Variants in SEC24A observed in about 807,000 individuals in gnomAD.
SEC24A encodes SEC24 homolog A, COPII component.
In SEC24A, 93 loss-of-function variants were observed where a neutral mutation model predicts 129.4. That is an observed-to-expected ratio of 0.72 (90% CI 0.61 to 0.85). The LOEUF (loss-of-function observed/expected upper bound fraction) is 0.85, where lower values mean the gene tolerates loss of function less well. SEC24A is among the 40% of genes least tolerant of loss of function. The probability of loss-of-function intolerance (pLI) is 0.00; values close to 1 mark genes in which losing one functional copy is unlikely to be tolerated. For missense variants in SEC24A, 1,264 were observed against 1,307.4 expected, an observed-to-expected ratio of 0.97 and a Z score of 0.51; for synonymous variants, 460 against 467.3, an observed-to-expected ratio of 0.98 and a Z score of 0.20.
intron 1 of SEC24A, 95 bp downstream of exon 1, chr5:134,649,268 C>T (rs1749967713): frequency 1.1e-6 from 1 of 904,740 alleles, no homozygotes; most frequent in African/African-American, 1.7e-5. Flanking sequence ...GAGAGAGTGA[C>T]CTCCTTACCG....
At chr5:134,656,905 G>A (rs1343283174) in intron 1 of SEC24A, among the ~76,000 whole-genome samples, 1 of 151,308 alleles carries the variant, frequency 6.6e-6, no homozygotes, top group Non-Finnish European at 1.5e-5. Flanking sequence ...CCTTGATCAA[G>A]TGGGTGGAGT....
At chr5:134,648,577 C>G (rs1301850466), upstream of SEC24A, 1 of 152,676 alleles carries the variant, frequency 6.5e-6, no homozygotes. Context: ...CGGTGACACA[C>G]GGCACTTCCG....
chr5:134,712,713 G>C (rs551623712), intron 18 of SEC24A, among the ~76,000 whole-genome samples: 34 of 151,836 alleles, frequency 2.2e-4, no homozygotes, highest in Non-Finnish European at 4.1e-4. Context: ...CCGCCTCCGG[G>C]GTTCAAGTGA....
At chr5:134,716,534 C>T (rs1019045931) in intron 19 of SEC24A, among the ~76,000 whole-genome samples, 71 of 150,076 alleles carry the variant, frequency 4.7e-4, no homozygotes, top group African/African-American at 1.5e-3. Context: ...CGCAGTGGCT[C>T]ATGCCTGTAA....
chr5:134,696,389 T>C (rs1461390395), intron 13 of SEC24A, among the ~76,000 whole-genome samples: 2 of 151,930 alleles, frequency 1.3e-5, no homozygotes, highest in African/African-American at 4.8e-5. Flanking sequence ...ACTGAACATT[T>C]AATATATTTT....
At chr5:134,719,682 T>C (rs1026382839) in intron 20 of SEC24A, among the ~76,000 whole-genome samples, 5 of 145,316 alleles carry the variant, frequency 3.4e-5, no homozygotes, top group African/African-American at 1.3e-4. Context: ...AACAAGGCCC[T>C]GTCTCAAAAA....
chr5:134,671,186 C>T (rs1282688834), intron 3 of SEC24A, among the ~76,000 whole-genome samples: 1 of 151,882 alleles, frequency 6.6e-6, no homozygotes, highest in Non-Finnish European at 1.5e-5. Flanking sequence ...TGATTACAGG[C>T]ATGTGCTGAT....
chr5:134,682,820 G>A (rs765283794), intron 9 of SEC24A, among the ~76,000 whole-genome samples: 3 of 152,114 alleles, frequency 2.0e-5, no homozygotes, highest in Non-Finnish European at 4.4e-5. Flanking sequence ...GCCCACCTTG[G>A]CCTCCCAAAG....
chr5:134,695,449 C>T (rs1561822106), intron 13 of SEC24A, among the ~76,000 whole-genome samples: 1 of 151,256 alleles, frequency 6.6e-6, no homozygotes, highest in East Asian at 2.0e-4. Context: ...GTCAGGAGTT[C>T]GAGACCAGCC....
At chr5:134,663,039 T>G (rs1366160409) in intron 2 of SEC24A, among the ~76,000 whole-genome samples, 3 of 152,104 alleles carry the variant, frequency 2.0e-5, no homozygotes, top group Admixed American at 6.6e-5. Context: ...ATCTATATTA[T>G]TTTCCAGGCT....
At chr5:134,704,027 A>T (rs1280378375) in intron 16 of SEC24A, 95 bp downstream of exon 16, 1 of 659,766 alleles carries the variant, frequency 1.5e-6, no homozygotes, top group Non-Finnish European at 2.5e-6. Flanking sequence ...AGCATATCTT[A>T]TGTGTGCTAA....
Position 134,675,141 on chromosome 5 carries a change from A to T in SEC24A, c.1075A>T (p.Met359Leu). 1.2e-6 allele frequency: 2 copies of T among 1,613,842 alleles called. No individual in the cohort carries two copies. Among genetic ancestry groups the T allele is most frequent in the Non-Finnish European group, 1.7e-6 (2 of 1,179,810 alleles). Residue 359 changes from methionine (M) to leucine (L), a missense_variant, in exon 6 of 23, where the codon ATG becomes TTG. Met to Leu is a conservative substitution (Grantham distance 15). Coordinates refer to ENST00000398844, the MANE Select transcript of SEC24A (RefSeq NM_021982.3). ...RVVNLLQERN[M>L]LPSTPLKPPV... ...TGTCAATCTTCTTCAAGAAAGAAAC[A>T]TGCTTCCGTCAACACCTTTGAAGCC...
rs181509624 is a variant in SEC24A, at chr5:134,721,080, C to T, written c.3053C>T (p.Pro1018Leu). The T allele has an allele frequency of 2.0e-3, 3,168 of 1,600,382 alleles. 16 individuals carry two copies. Among genetic ancestry groups the T allele is most frequent in the Non-Finnish European group, 1.5e-3 (1,783 of 1,167,782 alleles). ...VLGVQNYASI[P>L]QPMTDLPELD... is the part of the protein sequence containing the mutation. ...GGAGTTCAAAACTATGCATCAATTC[C>T]ACAGCCTATGGTAAGACTCTTTTAT... The change falls in exon 21 of 23, where the codon CCA becomes CTA. Residue 1018 changes from proline (P) to leucine (L), a missense_variant. Coordinates refer to ENST00000398844, the MANE Select transcript of SEC24A (RefSeq NM_021982.3).
At position 134,688,287 on chromosome 5, in the gene SEC24A, T is replaced by G. The variant is rs762980360; in HGVS notation, c.1711T>G (p.Ser571Ala). The change falls in exon 11 of 23, where the codon TCA (serine) becomes GCA (alanine). Residue 571 changes from serine (S) to alanine (A), a missense_variant. Physicochemically the swap from Ser to Ala is moderately conservative, Grantham distance 99. Transcript: ENST00000398844. ...SLSQPQMLIV[S>A]DIEDVFIPMP... ...CTCTCAACCTCAGATGCTAATAGTT[T>G]CAGATATTGAAGGTATAGATTTATT... 7.1e-6 allele frequency: 11 copies of G among 1,556,798 alleles called. No homozygotes were observed. The highest frequency in any genetic ancestry group is 4.5e-5 in the South Asian group (4 of 89,710).
intron 9 of SEC24A, among the ~76,000 whole-genome samples, chr5:134,685,771 G>A (rs1330081950): frequency 6.6e-6 from 1 of 152,108 alleles, no homozygotes; most frequent in Non-Finnish European, 1.5e-5. Context: ...CGGATCACAT[G>A]AGATCAGGAG....
chr5:134,686,700 T>C (rs746670491), intron 9 of SEC24A, 90 bp from the exon 10 acceptor site: 1 of 658,890 alleles, frequency 1.5e-6, no homozygotes, highest in Non-Finnish European at 2.6e-6. Context: ...TAAATAATGC[T>C]TTTTAAATTG....
In SEC24A at chr5:134,695,435, TG is replaced by T. The variant is rs1286541541; in HGVS notation, c.1986+1503del. The stretch of plus-strand genomic sequence containing the variant: ...GGGAGGCTGAGGCAGGCGGATAACC[TG>T]AGGTCAGGAGTTCGAGACCAGCCTG... On this transcript the variant is annotated intron_variant, in intron 13 of 22. Coordinates refer to ENST00000398844, the MANE Select transcript of SEC24A (RefSeq NM_021982.3). Among the ~76,000 whole-genome samples the T allele has an allele frequency of 9.2e-5, 14 of 152,050 alleles. No individual in the cohort carries two copies. In the East Asian group the frequency reaches 2.7e-3, roughly 29 times the overall value.
rs1324095720 is a variant in SEC24A at position 134,723,676 on chromosome 5, T to C, written c.3167+6T>C. Reference sequence around the variant, plus strand: ...CCAATACTTTATGTAATAAGGTAAGTTGAATTTTCCATTTGCTAGTAGTAA... The same window carrying C: ...CCAATACTTTATGTAATAAGGTAAGCTGAATTTTCCATTTGCTAGTAGTAA... On this transcript the variant is annotated splice_donor_region_variant and intron_variant, in intron 22 of 22. Transcript: ENST00000398844. 3 of 1,539,236 alleles carry C rather than the reference T, an allele frequency of 1.9e-6. No homozygotes were observed. Among genetic ancestry groups the C allele is most frequent in the Non-Finnish European group, 2.7e-6 (3 of 1,113,132 alleles).
At chr5:134,660,313 C>T (rs1459192798) in intron 1 of SEC24A, among the ~76,000 whole-genome samples, 1 of 151,960 alleles carries the variant, frequency 6.6e-6, no homozygotes, top group Admixed American at 6.6e-5. Context: ...CTACAGTGAG[C>T]CATGATTGTG....
Sources: gnomAD v4.1 joint callset for allele counts (sites outside exome capture counted in the v4.1 genomes callset) on GRCh38, gnomAD v4.1.1 for gene constraint, MANE v1.5 for transcripts, NCBI Gene and HGNC (gene_info 2026-07-23, HGNC 2026-07-21) for gene names.